Variants in IQCK observed in about 807,000 individuals in gnomAD.
IQCK encodes IQ domain-containing protein K.
A neutral mutation model predicts 28.1 loss-of-function variants in IQCK; 29 were observed. That is an observed-to-expected ratio of 1.03 (90% CI 0.77 to 1.41). The LOEUF is 1.41. Ranked by LOEUF, IQCK falls within the 40% of genes most tolerant of loss-of-function variation. IQCK has a pLI of 0.00. For missense variants in IQCK, 359 were observed against 314.7 expected (o/e 1.14, Z -1.07); for synonymous variants, 113 against 115.1 (o/e 0.98, Z 0.12).
At chr16:19,748,620 A>C (rs1027339801) in intron 4 of IQCK, among the ~76,000 whole-genome samples, 1 of 152,188 alleles carries the variant, frequency 6.6e-6, no homozygotes, top group African/African-American at 2.4e-5. Flanking sequence ...CCTGTAAAGG[A>C]GTGCTATTCC....
intron 4 of IQCK, among the ~76,000 whole-genome samples, chr16:19,744,677 A>G (rs1349543781): frequency 6.6e-6 from 1 of 152,212 alleles, no homozygotes; most frequent in Non-Finnish European, 1.5e-5. Flanking sequence ...TCAATCATGT[A>G]AAAAAAGTAA....
rs1296857252 is a variant in IQCK, at chr16:19,834,880, C to A, written c.802+7743C>A. Among the ~76,000 whole-genome samples, 3 of 152,110 alleles carry A rather than the reference C, an allele frequency of 2.0e-5. No individual in the cohort carries two copies. The South Asian group carries it at 6.2e-4, about 32-fold the overall frequency. ...ACCTTTGTGACCAACAGTCTATCAT[C>A]TAACAAAAAAGGTCAAGTTTTAGTG... On this transcript the variant is annotated intron_variant, in intron 9 of 9. Coordinates refer to the IQCK transcript ENST00000320394.
chr16:19,806,201 C>T (rs753223296), intron 7 of IQCK, among the ~76,000 whole-genome samples: 1 of 152,028 alleles, frequency 6.6e-6, no homozygotes, highest in Non-Finnish European at 1.5e-5. Context: ...GTATTGAGGA[C>T]CAGCAAGAGA....
At chr16:19,785,830 T>C (rs2055554897) in intron 6 of IQCK, among the ~76,000 whole-genome samples, 2 of 152,216 alleles carry the variant, frequency 1.3e-5, no homozygotes, top group South Asian at 4.1e-4. Flanking sequence ...GCTCCCACAC[T>C]GCAGAGTGTA....
exon 10 of IQCK, chr16:19,858,132 T>A (rs752793239): frequency 3.8e-4 from 74 of 197,248 alleles, no homozygotes; most frequent in Non-Finnish European, 1.7e-4. Flanking sequence ...GGGGGGCAGC[T>A]GGCTGCTACA....
At chr16:19,812,827 C>A (rs182797620) in intron 7 of IQCK, among the ~76,000 whole-genome samples, 7 of 152,118 alleles carry the variant, frequency 4.6e-5, no homozygotes, top group Admixed American at 3.9e-4. Context: ...AAAGGCAATT[C>A]ATTGCAGAAA....
intron 7 of IQCK, among the ~76,000 whole-genome samples, chr16:19,805,154 A>C (rs1312245213): frequency 6.6e-6 from 1 of 152,004 alleles, no homozygotes; most frequent in Non-Finnish European, 1.5e-5. Context: ...TTAAAGGAGC[A>C]CTTCCGTTCT....
intron 6 of IQCK, among the ~76,000 whole-genome samples, chr16:19,770,617 G>C (rs1312849782): frequency 9.2e-6 from 1 of 108,954 alleles, no homozygotes; most frequent in East Asian, 3.2e-4. Context: ...CTCTCTGACT[G>C]TTTCTCTTTT....
chr16:19,811,977 T>G (rs961857486), intron 7 of IQCK, among the ~76,000 whole-genome samples: 2 of 147,552 alleles, frequency 1.4e-5, no homozygotes, highest in Non-Finnish European at 3.0e-5. Flanking sequence ...ATTTAGGAAA[T>G]AGCCTTAATT....
At chr16:19,829,686 G>C (rs983980090), downstream of IQCK, among the ~76,000 whole-genome samples, 11 of 152,086 alleles carry the variant, frequency 7.2e-5, no homozygotes, top group Non-Finnish European at 1.5e-5. Context: ...CAGTTGTTTT[G>C]TGCTTTCTTT....
chr16:19,855,246 G>C (rs2056543547), intron 9 of IQCK, among the ~76,000 whole-genome samples: 1 of 152,092 alleles, frequency 6.6e-6, no homozygotes. Context: ...TCAGTTTGAA[G>C]ACTGCAGGGC....
chr16:19,730,897 G>A (rs2151680425), intron 2 of IQCK, among the ~76,000 whole-genome samples: 1 of 152,128 alleles, frequency 6.6e-6, no homozygotes, highest in Non-Finnish European at 1.5e-5. Flanking sequence ...CCGTGCTTGG[G>A]ATTTTTTGTC....
intron 7 of IQCK, among the ~76,000 whole-genome samples, chr16:19,810,223 G>A (rs911798090): frequency 1.3e-5 from 2 of 152,140 alleles, no homozygotes; most frequent in African/African-American, 2.4e-5. Flanking sequence ...TCGGCCAGGC[G>A]CGGTGGCTCA....
At chr16:19,763,447 CTT>C (rs2055179173) in intron 4 of IQCK, among the ~76,000 whole-genome samples, 1 of 151,780 alleles carries the variant, frequency 6.6e-6, no homozygotes, top group African/African-American at 2.4e-5. Context: ...TGTTAAGTTT[CTT>C]TTGTTTTTTT....
intron 4 of IQCK, among the ~76,000 whole-genome samples, chr16:19,738,836 A>C (rs1201541005): frequency 6.6e-6 from 1 of 152,206 alleles, no homozygotes; most frequent in Non-Finnish European, 1.5e-5. Context: ...ACTTGGTCCC[A>C]GTTCCCAGAA....
At chr16:19,721,916 T>A (rs1977507435) in intron 1 of IQCK, among the ~76,000 whole-genome samples, 1 of 150,738 alleles carries the variant, frequency 6.6e-6, no homozygotes, top group Non-Finnish European at 1.5e-5. Flanking sequence ...ATTACTGTTA[T>A]CAGCATCCTC....
chr16:19,784,849 A>G (rs1486355454), intron 6 of IQCK, among the ~76,000 whole-genome samples: 1 of 152,114 alleles, frequency 6.6e-6, no homozygotes, highest in African/African-American at 2.4e-5. Flanking sequence ...GCTCACTGCA[A>G]CCTCTGCCTC....
chr16:19,751,710 G>T (rs1275289111), intron 4 of IQCK, among the ~76,000 whole-genome samples: 1 of 151,790 alleles, frequency 6.6e-6, no homozygotes. Flanking sequence ...TCCAAGCAGA[G>T]AGCAGGCCTT....
At chr16:19,742,191 A>G (rs772585433) in intron 4 of IQCK, among the ~76,000 whole-genome samples, 75 of 152,246 alleles carry the variant, frequency 4.9e-4, no homozygotes, top group Non-Finnish European at 9.7e-4. Context: ...AATGAATGAT[A>G]CTTCCAGACC....
Sources: allele counts gnomAD v4.1 joint callset (sites outside exome capture counted in the v4.1 genomes callset), GRCh38; gene constraint gnomAD v4.1.1; transcripts MANE v1.5; gene names NCBI Gene and HGNC (gene_info 2026-07-23, HGNC 2026-07-21).